PLAC1: variants seen among roughly 807,000 people sequenced by gnomAD.
The protein encoded by PLAC1 is placenta-specific protein 1.
For missense variants in PLAC1, 136 were observed against 163.2 expected (o/e 0.83, Z 0.91); for synonymous variants, 68 against 62.1 (o/e 1.09, Z -0.44).
chrX:134,634,561 C>A (rs2124420268), intron 1 of PLAC1, among the ~76,000 whole-genome samples: 1 of 111,888 alleles, frequency 8.9e-6, no homozygotes, highest in Admixed American at 9.5e-5. Flanking sequence ...AACCAGTAAT[C>A]TAATTTCTAT....
At chrX:134,659,256 G>C (rs1569399711), upstream of PLAC1, among the ~76,000 whole-genome samples, 1 of 111,506 alleles carries the variant, frequency 9.0e-6, no homozygotes, top group African/African-American at 3.3e-5. Flanking sequence ...GGTCAGTATG[G>C]TTGCCTGAGC....
chrX:134,690,977 T>A (rs1181964026), intron 2 of PLAC1, among the ~76,000 whole-genome samples: 23 of 6,999 alleles, frequency 3.3e-3, no homozygotes, highest in East Asian at 0.027. Context: ...AAAAAAAAAA[T>A]ATATATATAT....
chrX:134,608,769 A>T (rs1602833241), intron 1 of PLAC1, among the ~76,000 whole-genome samples: 1 of 102,028 alleles, frequency 9.8e-6, no homozygotes, highest in African/African-American at 3.7e-5. Context: ...TCCGCCTCCC[A>T]GGTTCAAGTG....
At chrX:134,583,125 T>C (rs1470541479) in intron 2 of PLAC1, among the ~76,000 whole-genome samples, 1 of 111,874 alleles carries the variant, frequency 8.9e-6, no homozygotes. Flanking sequence ...ATTATTATTG[T>C]TGAATATAGA....
At chrX:134,586,984 C>G (rs1421482895) in intron 2 of PLAC1, among the ~76,000 whole-genome samples, 3 of 109,924 alleles carry the variant, frequency 2.7e-5, no homozygotes, top group African/African-American at 9.9e-5. Context: ...AGGCATGAGA[C>G]ACCGCGCCCA....
intron 1 of PLAC1, among the ~76,000 whole-genome samples, chrX:134,625,365 T>C (rs748815242): frequency 1.8e-5 from 2 of 112,215 alleles, no homozygotes; most frequent in Non-Finnish European, 3.8e-5. Flanking sequence ...TGTTAGGGGA[T>C]GACATTTCAT....
chrX:134,758,571 T>C (rs2078762466), intron 1 of PLAC1, among the ~76,000 whole-genome samples: 1 of 112,176 alleles, frequency 8.9e-6, no homozygotes, highest in South Asian at 3.7e-4. Context: ...CAACAAATAG[T>C]GCTGGGAAAA....
At chrX:134,734,835 G>T (rs1454860107) in intron 1 of PLAC1, among the ~76,000 whole-genome samples, 1 of 110,762 alleles carries the variant, frequency 9.0e-6, no homozygotes, top group Non-Finnish European at 1.9e-5. Flanking sequence ...TGCCACAGCT[G>T]CAACCCAGAG....
chrX:134,575,988 A>C (rs1473178706), intron 2 of PLAC1, among the ~76,000 whole-genome samples: 1 of 108,250 alleles, frequency 9.2e-6, no homozygotes, highest in Non-Finnish European at 1.9e-5. Flanking sequence ...TATAATTATT[A>C]ACAACAAAAA....
At position 134,625,720 on chromosome X, in the gene PLAC1, C is replaced by T. The variant is rs1408331546; in HGVS notation, c.-130-23598G>A. Reference sequence around the variant, plus strand: ...TTCAGTTTTTGCTCTCTCTCCATTGCTGCTTGCACTTTTCCTGAAGGCCAG... The same window carrying T: ...TTCAGTTTTTGCTCTCTCTCCATTGTTGCTTGCACTTTTCCTGAAGGCCAG... On this transcript the variant is annotated intron_variant, in intron 1 of 2. Transcript: ENST00000359237. Among the ~76,000 whole-genome samples the T allele has an allele frequency of 2.7e-5, 3 of 111,496 alleles. No individual in the cohort carries two copies. The Admixed American group carries it at 2.9e-4, about 11-fold the overall frequency.
chrX:134,700,517 A>AATAT (rs2078579265), intron 2 of PLAC1, among the ~76,000 whole-genome samples: 1 of 111,861 alleles, frequency 8.9e-6, no homozygotes, highest in African/African-American at 3.3e-5. Flanking sequence ...CTTCACTGAC[A>AATAT]ATATGAGTCT....
chrX:134,721,036 G>T (rs1177082098), intron 2 of PLAC1, among the ~76,000 whole-genome samples: 1 of 112,440 alleles, frequency 8.9e-6, no homozygotes, highest in African/African-American at 3.2e-5. Context: ...GAAAATATTT[G>T]CAAGTCATAT....
intron 2 of PLAC1, among the ~76,000 whole-genome samples, chrX:134,712,150 T>C (rs1372896865): frequency 9.0e-6 from 1 of 110,848 alleles, no homozygotes; most frequent in Non-Finnish European, 1.9e-5. Flanking sequence ...AACACCAAGC[T>C]CATCATTTAT....
chrX:134,718,647 G>A (rs929928281), intron 2 of PLAC1, among the ~76,000 whole-genome samples: 16 of 112,188 alleles, frequency 1.4e-4, no homozygotes, highest in African/African-American at 5.2e-4. Context: ...CTGCAGCCCC[G>A]CCTGGAGGGA....
intron 1 of PLAC1, among the ~76,000 whole-genome samples, chrX:134,629,673 G>A (rs753568075): frequency 3.6e-5 from 4 of 111,814 alleles, no homozygotes; most frequent in Non-Finnish European, 5.6e-5. Context: ...GTTGGGACAT[G>A]AGAGTCCCTG....
intron 2 of PLAC1, among the ~76,000 whole-genome samples, chrX:134,579,797 C>A (rs931575727): frequency 1.8e-5 from 2 of 111,491 alleles, no homozygotes; most frequent in African/African-American, 6.5e-5. Flanking sequence ...ACAGTGAGGG[C>A]AGATGCTCAT....
At chrX:134,607,516 G>T (rs2078128328) in intron 1 of PLAC1, 1 of 167,245 alleles carries the variant, frequency 6.0e-6, no homozygotes, top group South Asian at 1.5e-4. Context: ...CAAAGAGAAA[G>T]GTACCTGGGT....
At chrX:134,707,533 G>A (rs1285643469) in intron 2 of PLAC1, among the ~76,000 whole-genome samples, 1 of 111,627 alleles carries the variant, frequency 9.0e-6, no homozygotes, top group African/African-American at 3.3e-5. Flanking sequence ...GCCCTGTGTC[G>A]AAGTGTTCTC....
intron 2 of PLAC1, among the ~76,000 whole-genome samples, chrX:134,665,903 C>T (rs2078435247): frequency 9.0e-6 from 1 of 110,912 alleles, no homozygotes; most frequent in African/African-American, 3.3e-5. Context: ...CCTCCTTCAT[C>T]AGTCATTGGC....
Sources: gnomAD v4.1 joint callset for allele counts (sites outside exome capture counted in the v4.1 genomes callset) on GRCh38, gnomAD v4.1.1 for gene constraint, MANE v1.5 for transcripts, NCBI Gene and HGNC (gene_info 2026-07-23, HGNC 2026-07-21) for gene names.